Variants in ADAMTSL3 observed in about 807,000 individuals in gnomAD.
ADAMTSL3 encodes ADAMTS like 3.
A neutral mutation model predicts 201.7 loss-of-function variants in ADAMTSL3; 128 were observed. That is an observed-to-expected ratio of 0.63 (90% confidence interval 0.55 to 0.73). The LOEUF is 0.73. Ranked by LOEUF, ADAMTSL3 falls within the 30% of genes least tolerant of loss-of-function variation. The pLI is 0.00. For synonymous variants in ADAMTSL3, 738 were observed against 748.4 expected (o/e 0.99, Z 0.23); for missense variants, 1,990 against 2,119.6 (o/e 0.94, Z 1.20).
intron 2 of ADAMTSL3, among the ~76,000 whole-genome samples, chr15:83,697,808 C>A (rs1276967589): frequency 1.3e-5 from 2 of 152,114 alleles, no homozygotes; most frequent in East Asian, 3.9e-4. Context: ...CCATTAGTAT[C>A]AGCTCAACTT....
intron 22 of ADAMTSL3, 137 bp from the exon 23 acceptor site, chr15:83,990,949 C>T: frequency 1.6e-6 from 2 of 1,237,384 alleles, no homozygotes; most frequent in Non-Finnish European, 2.3e-6. Flanking sequence ...CCCCACGGTG[C>T]ACCTTGAGGG....
intron 7 of ADAMTSL3, among the ~76,000 whole-genome samples, chr15:83,855,754 GT>G (rs1224946696): frequency 1.3e-5 from 2 of 152,202 alleles, no homozygotes; most frequent in Non-Finnish European, 2.9e-5. Flanking sequence ...TTTTAAAAAT[GT>G]TGGTTCTGAC....
At chr15:84,030,033 C>G (rs1373812525) in intron 27 of ADAMTSL3, among the ~76,000 whole-genome samples, 3 of 152,172 alleles carry the variant, frequency 2.0e-5, no homozygotes, top group Non-Finnish European at 4.4e-5. Context: ...TATGGAAAAC[C>G]CTAGATGTCC....
chr15:83,720,928 T>G (rs1229644813), intron 3 of ADAMTSL3, among the ~76,000 whole-genome samples: 2 of 152,212 alleles, frequency 1.3e-5, no homozygotes, highest in African/African-American at 4.8e-5. Flanking sequence ...GTTTTAAACC[T>G]TGAATTATTC....
intron 17 of ADAMTSL3, among the ~76,000 whole-genome samples, chr15:83,926,192 G>C (rs1238188685): frequency 6.6e-6 from 1 of 152,182 alleles, no homozygotes; most frequent in Non-Finnish European, 1.5e-5. Flanking sequence ...GAGAGGTGTA[G>C]AGGAATGAGT....
At chr15:83,669,096 T>C (rs560010593) in intron 2 of ADAMTSL3, among the ~76,000 whole-genome samples, 4 of 151,852 alleles carry the variant, frequency 2.6e-5, no homozygotes, top group Non-Finnish European at 2.9e-5. Flanking sequence ...GGCAGGGGAG[T>C]GTGCTCCACC....
intron 23 of ADAMTSL3, among the ~76,000 whole-genome samples, chr15:84,005,929 G>A (rs904398668): frequency 2.6e-5 from 4 of 152,188 alleles, no homozygotes; most frequent in African/African-American, 9.7e-5. Flanking sequence ...GTAAAAGCCA[G>A]AGCCCTCTAT....
chr15:83,665,403 T>TGA (rs1368009235), intron 2 of ADAMTSL3, among the ~76,000 whole-genome samples: 1 of 152,114 alleles, frequency 6.6e-6, no homozygotes, highest in African/African-American at 2.4e-5. Context: ...TACTACTCTT[T>TGA]GAGAGAGAAA....
At chr15:83,673,523 C>T (rs1033138938) in intron 2 of ADAMTSL3, among the ~76,000 whole-genome samples, 5 of 152,106 alleles carry the variant, frequency 3.3e-5, no homozygotes, top group African/African-American at 9.7e-5. Context: ...CATGCCCTTC[C>T]CAGGACACAG....
At chr15:83,841,964 C>T (rs1323741891) in intron 7 of ADAMTSL3, among the ~76,000 whole-genome samples, 20 of 151,524 alleles carry the variant, frequency 1.3e-4, no homozygotes, top group Admixed American at 5.9e-4. Flanking sequence ...GAAATTTGGC[C>T]GAGGGCGGAC....
In ADAMTSL3 at chr15:83,913,351, A is replaced by T; in HGVS notation, c.1960A>T (p.Thr654Ser). 6.2e-7 allele frequency: 1 copy of T among 1,613,464 alleles called. No homozygotes were observed. Among genetic ancestry groups the T allele is most frequent in the Non-Finnish European group, 8.5e-7 (1 of 1,179,990 alleles). The stretch of plus-strand genomic sequence containing the variant: ...TTACGACTGGGAGTACGCTGGGTTC[A>T]CCCCTTGCACAGCAACATGCGTGGG... ...TTYDWEYAGFTPCTATCVGGH... is the reference protein window; with the variant it reads ...TTYDWEYAGFSPCTATCVGGH... Residue 654 changes from threonine (T) to serine (S), a missense_variant, in exon 16 of 30, where the codon ACC (threonine) becomes TCC (serine). Transcript: ENST00000286744.
chr15:83,919,479 G>A (rs2066098000), intron 16 of ADAMTSL3, among the ~76,000 whole-genome samples: 1 of 152,178 alleles, frequency 6.6e-6, no homozygotes, highest in Admixed American at 6.5e-5. Context: ...GGAATGTGAA[G>A]CCACTGGGGA....
At position 83,924,045 on chromosome 15, in the gene ADAMTSL3, C is replaced by G; in HGVS notation, c.2117+12C>G. The G allele has an allele frequency of 6.2e-7, 1 of 1,613,884 alleles. No individual in the cohort carries two copies. The highest frequency in any genetic ancestry group is 8.5e-7 in the Non-Finnish European group (1 of 1,179,888). On this transcript the variant is annotated intron_variant, in intron 17 of 29. Transcript: ENST00000286744. ...CCCTGTCCCCCCAGGTATGTGCTGTCTTGTGTTCCTGGTATATACCGTGTC... is the reference window on the plus strand; with the variant it reads ...CCCTGTCCCCCCAGGTATGTGCTGTGTTGTGTTCCTGGTATATACCGTGTC...
chr15:83,878,292 C>T (rs79081816), intron 9 of ADAMTSL3, among the ~76,000 whole-genome samples: 1 of 151,984 alleles, frequency 6.6e-6, no homozygotes, highest in Non-Finnish European at 1.5e-5. Flanking sequence ...TGTGATAAAC[C>T]TACTTAGTCA....
chr15:83,742,222 T>G (rs2062468360), intron 3 of ADAMTSL3, among the ~76,000 whole-genome samples: 1 of 152,070 alleles, frequency 6.6e-6, no homozygotes, highest in South Asian at 2.1e-4. Flanking sequence ...TAAACCTCTC[T>G]CCTAAGCCAG....
At chr15:83,994,568 CTGTTTTTT>C in intron 23 of ADAMTSL3, among the ~76,000 whole-genome samples, 1 of 95,842 alleles carries the variant, frequency 1.0e-5, no homozygotes, top group Non-Finnish European at 2.4e-5. Context: ...TGGTTTGTTT[CTGTTTTTT>C]TGTTTTTTCG....
chr15:83,848,152 A>G (rs11853949), intron 7 of ADAMTSL3, among the ~76,000 whole-genome samples: 119,324 of 151,446 alleles, frequency 0.79, 47,841 homozygotes, highest in East Asian at 1. Context: ...AAAAAAACCC[A>G]ACCAACTAAA....
intron 3 of ADAMTSL3, among the ~76,000 whole-genome samples, chr15:83,738,965 A>AT (rs931983965): frequency 9.2e-5 from 14 of 151,890 alleles, no homozygotes; most frequent in African/African-American, 3.1e-4. Flanking sequence ...ATAAAATAAA[A>AT]TAAAATAAAG....
At chr15:84,008,790 A>G (rs2067947466) in intron 23 of ADAMTSL3, among the ~76,000 whole-genome samples, 3 of 152,176 alleles carry the variant, frequency 2.0e-5, no homozygotes, top group Admixed American at 2.0e-4. Flanking sequence ...CAAACTTAAC[A>G]TGTCCAAAAC....
Sources: gnomAD v4.1 joint callset for allele counts (sites outside exome capture counted in the v4.1 genomes callset) on GRCh38, gnomAD v4.1.1 for gene constraint, MANE v1.5 for transcripts, NCBI Gene and HGNC (gene_info 2026-07-23, HGNC 2026-07-21) for gene names.